CCDC12: variants seen among roughly 807,000 people sequenced by gnomAD.
The protein encoded by CCDC12 is coiled-coil domain-containing protein 12.
A neutral mutation model predicts 25.7 loss-of-function variants in CCDC12; 28 were observed. The observed-to-expected ratio is 1.09, with a 90% CI of 0.81 to 1.50. The LOEUF (loss-of-function observed/expected upper bound fraction) is 1.50. Among genes scored for constraint, CCDC12 ranks in the 40% most tolerant of loss-of-function variants. The pLI, the probability that CCDC12 is intolerant of heterozygous loss-of-function variation, is 0.00. For missense variants in CCDC12, 198 were observed against 210.0 expected (o/e 0.94, Z 0.35); for synonymous variants, 75 against 87.7 (o/e 0.86, Z 0.81).
intron 1 of CCDC12, chr3:46,966,220 G>GAA (rs2034635617): frequency 6.6e-6 from 1 of 152,514 alleles, no homozygotes; most frequent in Admixed American, 6.5e-5. Flanking sequence ...AAGAAAGAAA[G>GAA]AAAGAAAGCG....
intron 5 of CCDC12, chr3:46,922,724 C>T: frequency 3.7e-6 from 1 of 271,528 alleles, no homozygotes; most frequent in Non-Finnish European, 7.1e-6. Flanking sequence ...TCAGCCCATT[C>T]TCTCTGGCTC....
Position 46,953,718 on chromosome 3 carries a change from G to C in CCDC12, c.97-12653C>G, listed in dbSNP as rs148616505. Among the ~76,000 whole-genome samples, 62 of 151,640 alleles carry C rather than the reference G, an allele frequency of 4.1e-4. No individual in the cohort carries two copies. The East Asian group carries it at 8.0e-3, about 19-fold the overall frequency. On this transcript the variant is annotated intron_variant, in intron 1 of 6. Coordinates refer to ENST00000683445, the MANE Select transcript of CCDC12 (RefSeq NM_001277074.2). Reference sequence around the variant, plus strand: ...ACAGGTTGAGCCTGCACACACCAGCGTCCCTCTGCAGCCTGGGACTCTAAC... The same window carrying C: ...ACAGGTTGAGCCTGCACACACCAGCCTCCCTCTGCAGCCTGGGACTCTAAC...
At chr3:46,976,564 T>C (rs1321349517) in intron 1 of CCDC12, 73 bp downstream of exon 1, 5 of 1,545,910 alleles carry the variant, frequency 3.2e-6, no homozygotes, top group Non-Finnish European at 4.4e-6. Context: ...ATTAGCCCTT[T>C]GCTCTCCTCA....
At chr3:46,939,114 T>G (rs961110482) in intron 2 of CCDC12, among the ~76,000 whole-genome samples, 2 of 152,234 alleles carry the variant, frequency 1.3e-5, no homozygotes, top group African/African-American at 4.8e-5. Context: ...AATGGTGCCC[T>G]GCACAGAGCA....
chr3:46,956,458 G>A (rs2034290266), intron 1 of CCDC12, among the ~76,000 whole-genome samples: 1 of 152,236 alleles, frequency 6.6e-6, no homozygotes. Context: ...TCAGCTGCCT[G>A]AGGGCTACTG....
Position 46,940,994 on chromosome 3 carries a change from T to C in CCDC12, c.164+4A>G, listed in dbSNP as rs1027661026. 2 of 1,613,792 alleles carry C rather than the reference T, an allele frequency of 1.2e-6. No individual in the cohort carries two copies. Among genetic ancestry groups the C allele is most frequent in the Admixed American group, 1.7e-5 (1 of 60,000 alleles). On this transcript the variant is annotated splice_donor_region_variant and intron_variant, in intron 2 of 6. Coordinates refer to ENST00000683445, the MANE Select transcript of CCDC12 (RefSeq NM_001277074.2). Reference sequence around the variant, plus strand: ...CAGACCCTGGAGCTGCACACGGGCATTACCTGTGCTTCTCGCCTTCTTCCT... The same window carrying C: ...CAGACCCTGGAGCTGCACACGGGCACTACCTGTGCTTCTCGCCTTCTTCCT...
chr3:46,923,153 T>C, intron 5 of CCDC12, 176 bp downstream of exon 5: 1 of 614,346 alleles, frequency 1.6e-6, no homozygotes, highest in Non-Finnish European at 2.4e-6. Flanking sequence ...TCCCCTCTCA[T>C]CCCACCACTT....
At position 46,946,009 on chromosome 3, in the gene CCDC12, G is replaced by A. The variant is rs528233811; in HGVS notation, c.97-4944C>T. Among the ~76,000 whole-genome samples, 28 of 152,344 alleles carry A rather than the reference G, an allele frequency of 1.8e-4. No individual in the cohort carries two copies. The South Asian group carries it at 5.2e-3, about 28-fold the overall frequency. On this transcript the variant is annotated intron_variant, in intron 1 of 6. Transcript: ENST00000683445. ...GATCCCTCAATGGATGAGTACACCTGCCTCTGGATGGCACATGAAGCGTGG... is the reference window on the plus strand; with the variant it reads ...GATCCCTCAATGGATGAGTACACCTACCTCTGGATGGCACATGAAGCGTGG...
chr3:46,944,503 A>G (rs2033830574), intron 1 of CCDC12, among the ~76,000 whole-genome samples: 1 of 152,184 alleles, frequency 6.6e-6, no homozygotes, highest in East Asian at 1.9e-4. Flanking sequence ...ATTTAGAGAC[A>G]CTTCGCTCAC....
chr3:46,955,847 C>A (rs2034274158), intron 1 of CCDC12, among the ~76,000 whole-genome samples: 1 of 152,242 alleles, frequency 6.6e-6, no homozygotes, highest in Non-Finnish European at 1.5e-5. Flanking sequence ...TCGGGAGGAA[C>A]AGTCCCTTCC....
At chr3:46,944,272 G>T (rs1466274) in intron 1 of CCDC12, among the ~76,000 whole-genome samples, 144,069 of 152,198 alleles carry the variant, frequency 0.95, 68,739 homozygotes, top group East Asian at 1. Flanking sequence ...CTGGCCCTCA[G>T]TCTTGCCAAG....
At chr3:46,957,007 C>G (rs1023825733) in intron 1 of CCDC12, among the ~76,000 whole-genome samples, 2 of 152,226 alleles carry the variant, frequency 1.3e-5, no homozygotes, top group South Asian at 2.1e-4. Flanking sequence ...GCCCAGAGCC[C>G]GAGCTCCTCC....
chr3:46,979,833 G>T (rs2035177715), upstream of CCDC12: 1 of 420,314 alleles, frequency 2.4e-6, no homozygotes, highest in South Asian at 6.3e-5. Flanking sequence ...GACAGGTGGC[G>T]CGCAGCAGGG....
At chr3:46,965,726 A>T (rs1315434228) in intron 1 of CCDC12, among the ~76,000 whole-genome samples, 1 of 152,174 alleles carries the variant, frequency 6.6e-6, no homozygotes, top group Non-Finnish European at 1.5e-5. Context: ...CTCTGGCTCC[A>T]TCTCCAGAGG....
At chr3:46,939,124 A>T (rs2033586653) in intron 2 of CCDC12, among the ~76,000 whole-genome samples, 1 of 152,234 alleles carries the variant, frequency 6.6e-6, no homozygotes, top group African/African-American at 2.4e-5. Flanking sequence ...TGCACAGAGC[A>T]GACAACCAAT....
intron 1 of CCDC12, among the ~76,000 whole-genome samples, chr3:46,953,251 T>C (rs375061168): frequency 9.2e-5 from 14 of 152,216 alleles, no homozygotes; most frequent in African/African-American, 3.1e-4. Context: ...GGCACAGTTA[T>C]GCAGGCCAGC....
Position 46,925,473 on chromosome 3 carries a change from TG to T in CCDC12, c.226del (p.Gln76ArgfsTer11), listed in dbSNP as rs1160871115. ...TTGCTTACCTGCAACCGGTTTGGCC[TG>T]GGGCACCCTCCTCTTCTTCAGGTCC... ...DEDLKKRRVP[Q>X]AKPVAVEEKV... On this transcript the variant is annotated frameshift_variant, in exon 3 of 7. Transcript: ENST00000683445. LOFTEE classifies it high-confidence loss of function. 14 of 1,611,946 alleles carry T rather than the reference TG, an allele frequency of 8.7e-6. No homozygotes were observed. The highest frequency in any genetic ancestry group is 1.1e-5 in the Non-Finnish European group (13 of 1,178,348).
At chr3:46,955,082 C>T (rs1262050019) in intron 1 of CCDC12, among the ~76,000 whole-genome samples, 1 of 152,238 alleles carries the variant, frequency 6.6e-6, no homozygotes, top group Non-Finnish European at 1.5e-5. Flanking sequence ...CACCCCTAGT[C>T]CATGCCTAAA....
Position 46,923,381 on chromosome 3 carries a change from A to G in CCDC12, c.307-18T>C, listed in dbSNP as rs1365533285. ...GCCAGGTCCTGGGAAGGGAGGAGACACACATCAGGGTGGAGGGGCCACCCC... is the reference window on the plus strand; with the variant it reads ...GCCAGGTCCTGGGAAGGGAGGAGACGCACATCAGGGTGGAGGGGCCACCCC... On this transcript the variant is annotated intron_variant, in intron 4 of 6. Coordinates refer to ENST00000683445, the MANE Select transcript of CCDC12 (RefSeq NM_001277074.2). 2 of 1,501,102 alleles carry G rather than the reference A, an allele frequency of 1.3e-6. No homozygotes were observed. The highest frequency in any genetic ancestry group is 1.8e-6 in the Non-Finnish European group (2 of 1,122,032). The allele number at this position is 1,501,102 out of a possible 1,614,324, so 93.0% of individuals were successfully genotyped here.
Sources: gnomAD v4.1 joint callset for allele counts (sites outside exome capture counted in the v4.1 genomes callset) on GRCh38, gnomAD v4.1.1 for gene constraint, MANE v1.5 for transcripts, NCBI Gene and HGNC (gene_info 2026-07-23, HGNC 2026-07-21) for gene names.